TACC2: variants seen among roughly 807,000 people sequenced by gnomAD.
The protein encoded by TACC2 is transforming acidic coiled-coil-containing protein 2.
TACC2 carries 137 observed loss-of-function variants against 227.3 expected under a neutral mutation model. That is an observed-to-expected ratio of 0.60 (90% confidence interval 0.52 to 0.69). TACC2 has a LOEUF of 0.69. Ranked by LOEUF, TACC2 falls within the 30% of genes least tolerant of loss-of-function variation. The pLI, the probability that TACC2 is intolerant of heterozygous loss-of-function variation, is 0.00. For missense variants in TACC2, 3,470 were observed against 3,694.4 expected (o/e 0.94, Z 1.57); for synonymous variants, 1,523 against 1,487.5 (o/e 1.02, Z -0.55).
intron 7 of TACC2, among the ~76,000 whole-genome samples, chr10:122,181,676 G>C (rs920779122): frequency 6.6e-6 from 1 of 152,176 alleles, no homozygotes; most frequent in Non-Finnish European, 1.5e-5. Context: ...TGTCAGAATC[G>C]TGTAATTCGT....
chr10:122,089,211 A>G (rs1447861911), intron 5 of TACC2, among the ~76,000 whole-genome samples: 2 of 152,196 alleles, frequency 1.3e-5, no homozygotes, highest in Non-Finnish European at 2.9e-5. Flanking sequence ...GTGTGTAACC[A>G]TGGCTACAAT....
intron 7 of TACC2, among the ~76,000 whole-genome samples, chr10:122,170,036 C>T (rs2093388505): frequency 6.6e-6 from 1 of 152,184 alleles, no homozygotes; most frequent in Non-Finnish European, 1.5e-5. Flanking sequence ...CAGGCATGAG[C>T]CTCTGTGCCC....
chr10:122,211,980 C>A (rs2095304996), intron 9 of TACC2, among the ~76,000 whole-genome samples: 1 of 152,206 alleles, frequency 6.6e-6, no homozygotes, highest in Admixed American at 6.5e-5. Context: ...TTACTTGTAG[C>A]CAAAGACCTA....
chr10:122,119,147 C>T (rs1038884010), intron 5 of TACC2, among the ~76,000 whole-genome samples: 7 of 152,182 alleles, frequency 4.6e-5, no homozygotes, highest in African/African-American at 1.7e-4. Flanking sequence ...CCTTCTCTCC[C>T]CAGACCCTGG....
At chr10:122,080,680 G>A (rs1157854649) in intron 3 of TACC2, among the ~76,000 whole-genome samples, 1 of 152,054 alleles carries the variant, frequency 6.6e-6, no homozygotes, top group Non-Finnish European at 1.5e-5. Context: ...ATTTGAGGGG[G>A]GCACAGTTCA....
chr10:122,186,180 T>C (rs1366178802), intron 7 of TACC2, among the ~76,000 whole-genome samples: 1 of 152,142 alleles, frequency 6.6e-6, no homozygotes, highest in Non-Finnish European at 1.5e-5. Flanking sequence ...CCACCCGCCT[T>C]GGCCTCCCAA....
At position 122,082,996 on chromosome 10, in the gene TACC2, G is replaced by A; in HGVS notation, c.496G>A (p.Glu166Lys). Reference sequence around the variant, plus strand: ...GAGGGACAGCTCTACTCCATACCAAGAGATTGCTGCCGTCCCCAGTGCTGG... The same window carrying A: ...GAGGGACAGCTCTACTCCATACCAAAAGATTGCTGCCGTCCCCAGTGCTGG... Reference protein sequence around the residue: ...AERDSSTPYQEIAAVPSAGRE... With the variant: ...AERDSSTPYQKIAAVPSAGRE... The change falls in exon 4 of 23, where the codon GAG becomes AAG. Residue 166 changes from glutamate (E) to lysine (K), a missense_variant. Coordinates refer to ENST00000369005, the MANE Select transcript of TACC2 (RefSeq NM_206862.4). The A allele has an allele frequency of 1.9e-6, 3 of 1,612,730 alleles. No individual in the cohort carries two copies. Among genetic ancestry groups the A allele is most frequent in the Non-Finnish European group, 2.5e-6 (3 of 1,180,010 alleles).
chr10:122,184,362 A>C lies in TACC2; in HGVS notation c.5835-10678A>C, dbSNP rs565600767. On this transcript the variant is annotated intron_variant, in intron 7 of 22. Transcript: ENST00000369005. Reference sequence around the variant, plus strand: ...TTCCCTGGCCAGTGCAGAGGGGGACAGCTACATTTTTGTCACTCCTCTGTT... The same window carrying C: ...TTCCCTGGCCAGTGCAGAGGGGGACCGCTACATTTTTGTCACTCCTCTGTT... 2.0e-5 allele frequency among the ~76,000 whole-genome samples: 3 copies of C among 152,278 alleles called. No homozygotes were observed. In the South Asian group the frequency reaches 6.2e-4, roughly 32 times the overall value.
intron 8 of TACC2, among the ~76,000 whole-genome samples, chr10:122,208,247 T>G (rs1380590705): frequency 1.3e-5 from 2 of 152,158 alleles, no homozygotes; most frequent in African/African-American, 4.8e-5. Context: ...TGCTTCCAAA[T>G]GATGCTTTCA....
chr10:122,031,595 G>A (rs1958979176), intron 2 of TACC2, among the ~76,000 whole-genome samples: 1 of 151,524 alleles, frequency 6.6e-6, no homozygotes, highest in African/African-American at 2.4e-5. Context: ...AGTAGAGATG[G>A]GGTTTCACCG....
At chr10:122,133,251 C>T (rs2088764849) in intron 6 of TACC2, among the ~76,000 whole-genome samples, 1 of 152,108 alleles carries the variant, frequency 6.6e-6, no homozygotes, top group Non-Finnish European at 1.5e-5. Context: ...TGCCATGTCA[C>T]CTCCCACCAG....
chr10:122,088,843 G>A (rs2080385339), intron 5 of TACC2: 1 of 1,222,016 alleles, frequency 8.2e-7, no homozygotes, highest in African/African-American at 1.5e-5. Context: ...AAGTCAGTCT[G>A]GGTGCGGTGG....
At chr10:122,066,228 C>T (rs1028241529) in intron 3 of TACC2, among the ~76,000 whole-genome samples, 1 of 151,874 alleles carries the variant, frequency 6.6e-6, no homozygotes, top group Non-Finnish European at 1.5e-5. Flanking sequence ...CTGCCTCAGC[C>T]CCCCAAGTAG....
intron 5 of TACC2, among the ~76,000 whole-genome samples, chr10:122,099,534 G>A (rs74521951): frequency 0.041 from 6,264 of 152,246 alleles, 235 homozygotes; most frequent in African/African-American, 0.099. Context: ...ACGTTCTCCT[G>A]TTGAACTCTA....
Position 122,141,364 on chromosome 10 carries a change from T to A in TACC2, c.5700-2208T>A, listed in dbSNP as rs940419766. Among the ~76,000 whole-genome samples, 7 of 152,158 alleles carry A rather than the reference T, an allele frequency of 4.6e-5. No homozygotes were observed. The highest frequency in any genetic ancestry group is 3.9e-4 in the Admixed American group (6 of 15,290). ...AGGGGGGCGCCTTTCTTAAATGAGC[T>A]GTTGAGTCACACTTGTTTGATGCCT... On this transcript the variant is annotated intron_variant, in intron 6 of 22. Coordinates refer to ENST00000369005, the MANE Select transcript of TACC2 (RefSeq NM_206862.4). This position sits in a 1 kb window ranked among gnomAD's most constrained non-coding sequence, Gnocchi z 4.3.
At chr10:122,163,508 C>G (rs894292552) in intron 7 of TACC2, 2 of 951,346 alleles carry the variant, frequency 2.1e-6, no homozygotes, top group Non-Finnish European at 2.5e-6. Context: ...TTCCGGAGCC[C>G]GCGATGGAGC....
chr10:122,229,362 C>A lies in TACC2; in HGVS notation c.7913C>A (p.Ser2638Tyr), dbSNP rs1256343345. 1 of 1,614,074 alleles carries A rather than the reference C, an allele frequency of 6.2e-7. No individual in the cohort carries two copies. Among genetic ancestry groups the A allele is most frequent in the Non-Finnish European group, 8.5e-7 (1 of 1,180,022 alleles). The change falls in exon 15 of 23, where the codon TCC becomes TAC. Residue 2638 changes from serine (S) to tyrosine (Y), a missense_variant. This residue lies in a region of TACC2 where 345 missense variants were observed against 354.4 expected (regional missense o/e 0.97). Coordinates refer to ENST00000369005, the MANE Select transcript of TACC2 (RefSeq NM_206862.4). ...EAIEITAPEG[S>Y]FASADALLSR... ...GGCTTTCAGACAGCTCCCGAGGGCT[C>A]CTTTGCCTCTGCTGACGCCCTCCTC...
rs753857053 is a variant in TACC2 at position 122,087,122 on chromosome 10, T to A, written c.4622T>A (p.Leu1541Gln). 1.2e-6 allele frequency: 2 copies of A among 1,609,912 alleles called. No individual in the cohort carries two copies. Among genetic ancestry groups the A allele is most frequent in the South Asian group, 2.2e-5 (2 of 90,506 alleles). Residue 1541 changes from leucine to glutamine, a missense_variant, in exon 4 of 23, where the codon CTG (leucine) becomes CAG (glutamine). Around this residue, in one of 10 missense-constraint regions of TACC2, gnomAD observed 1,924 missense variants for 1,978.3 expected, o/e 0.97. Coordinates refer to ENST00000369005, the MANE Select transcript of TACC2 (RefSeq NM_206862.4). The part of the protein sequence containing the change: ...PEGPGAAWPG[L>Q]EGQAYSQLER... ...GGGCCTGGGGCAGCCTGGCCAGGCC[T>A]GGAAGGCCAGGCTTACTCACAGCTG...
intron 3 of TACC2, among the ~76,000 whole-genome samples, chr10:122,054,985 C>T (rs533276366): frequency 9.2e-5 from 14 of 152,144 alleles, no homozygotes; most frequent in Non-Finnish European, 1.9e-4. Flanking sequence ...TGTGGGAGGC[C>T]GATGTGGGTG....
Sources: gnomAD v4.1 joint callset for allele counts (sites outside exome capture counted in the v4.1 genomes callset) on GRCh38, gnomAD v4.1.1 for gene constraint, gnomAD v4.1.1 regional missense constraint, Gnocchi (gnomAD v3.1) non-coding constraint, MANE v1.5 for transcripts, NCBI Gene and HGNC (gene_info 2026-07-23, HGNC 2026-07-21) for gene names.